Variants in MAST4 observed in about 807,000 individuals in gnomAD.
The protein encoded by MAST4 is microtubule associated serine/threonine kinase family member 4.
A neutral mutation model predicts 162.7 loss-of-function variants in MAST4; 89 were observed. The ratio of observed to expected loss-of-function variants is 0.55; its 90% CI spans 0.46 to 0.65. The LOEUF (loss-of-function observed/expected upper bound fraction) is 0.65. Ranked by LOEUF, MAST4 falls within the 30% of genes least tolerant of loss-of-function variation. MAST4 has a pLI of 0.00. For missense variants in MAST4, 3,153 were observed against 3,374.0 expected, an observed-to-expected ratio of 0.93 and a Z score of 1.62; for synonymous variants, 1,479 against 1,361.1, an observed-to-expected ratio of 1.09 and a Z score of -1.91.
intron 1 of MAST4, among the ~76,000 whole-genome samples, chr5:66,704,178 T>C (rs1749965936): frequency 6.6e-6 from 1 of 152,198 alleles, no homozygotes; most frequent in African/African-American, 2.4e-5. Context: ...CTATTTGGAG[T>C]GCTCAAATCA....
intron 14 of MAST4, among the ~76,000 whole-genome samples, chr5:67,122,771 T>C (rs1767730879): frequency 6.6e-6 from 1 of 152,126 alleles, no homozygotes; most frequent in Non-Finnish European, 1.5e-5. Context: ...AGTAAACTCA[T>C]TTGTAGTGCA....
chr5:66,733,198 A>G (rs1040542149), intron 1 of MAST4, among the ~76,000 whole-genome samples: 4 of 151,714 alleles, frequency 2.6e-5, no homozygotes, highest in Non-Finnish European at 5.9e-5. Flanking sequence ...TCACTAGACA[A>G]CCCCTTCAGT....
intron 4 of MAST4, among the ~76,000 whole-genome samples, chr5:66,927,858 CTGAGGACTA>C (rs1170283576): frequency 6.6e-6 from 1 of 152,196 alleles, no homozygotes; most frequent in Non-Finnish European, 1.5e-5. Flanking sequence ...TCGATTCCTA[CTGAGGACTA>C]TGAGGGAGAA....
At chr5:66,935,692 C>G (rs528616679) in intron 4 of MAST4, among the ~76,000 whole-genome samples, 86 of 147,750 alleles carry the variant, frequency 5.8e-4, no homozygotes, top group African/African-American at 2.0e-3. Flanking sequence ...TTTTTTGAGA[C>G]AGTCTCGCTC....
chr5:66,827,547 G>A (rs1757329375), intron 3 of MAST4, among the ~76,000 whole-genome samples: 1 of 152,166 alleles, frequency 6.6e-6, no homozygotes, highest in Non-Finnish European at 1.5e-5. Context: ...TTAGTGTGTT[G>A]ACAGACAGAA....
intron 3 of MAST4, among the ~76,000 whole-genome samples, chr5:66,856,037 G>A (rs964306917): frequency 2.6e-5 from 4 of 152,102 alleles, no homozygotes; most frequent in African/African-American, 7.2e-5. Flanking sequence ...GGTGGTGTGC[G>A]CCTGTGGTCC....
intron 5 of MAST4, among the ~76,000 whole-genome samples, chr5:67,070,012 T>C (rs1046216980): frequency 5.3e-5 from 8 of 151,658 alleles, no homozygotes; most frequent in African/African-American, 1.9e-4. Context: ...GTTCCTTAAT[T>C]GGTAAAAAGC....
chr5:66,882,142 T>C (rs1761730572), intron 3 of MAST4, among the ~76,000 whole-genome samples: 2 of 152,342 alleles, frequency 1.3e-5, no homozygotes, highest in African/African-American at 4.8e-5. Flanking sequence ...ATACTCCCTT[T>C]CCATTACCTC....
At chr5:66,626,875 C>T (rs1744465421) in intron 1 of MAST4, among the ~76,000 whole-genome samples, 1 of 152,076 alleles carries the variant, frequency 6.6e-6, no homozygotes, top group Non-Finnish European at 1.5e-5. Flanking sequence ...TTTGGGGAGT[C>T]TGCTGGTAGG....
chr5:67,049,060 C>CCT (rs1554087472), intron 4 of MAST4, among the ~76,000 whole-genome samples: 1 of 82,832 alleles, frequency 1.2e-5, no homozygotes, highest in African/African-American at 6.2e-5. Context: ...TATATATATA[C>CCT]GTATATATAT....
chr5:66,677,716 A>G (rs1229308513), intron 1 of MAST4, among the ~76,000 whole-genome samples: 1 of 152,178 alleles, frequency 6.6e-6, no homozygotes, highest in Non-Finnish European at 1.5e-5. Flanking sequence ...CCATGTCTGG[A>G]AAAGTGAGTA....
At chr5:66,972,540 G>C (rs1390107090) in intron 4 of MAST4, among the ~76,000 whole-genome samples, 2 of 152,160 alleles carry the variant, frequency 1.3e-5, no homozygotes, top group Non-Finnish European at 2.9e-5. Flanking sequence ...GTGTGCACAT[G>C]TGTAGATTTG....
chr5:67,002,275 G>A (rs1187986411), intron 4 of MAST4, among the ~76,000 whole-genome samples: 2 of 152,154 alleles, frequency 1.3e-5, no homozygotes, highest in East Asian at 3.8e-4. Context: ...CAAAAATTCA[G>A]TATTCTTTGA....
intron 1 of MAST4, among the ~76,000 whole-genome samples, chr5:66,618,909 G>A (rs1322916907): frequency 6.6e-6 from 1 of 152,042 alleles, no homozygotes; most frequent in Non-Finnish European, 1.5e-5. Flanking sequence ...CCAGGGCATC[G>A]GTGTCTTTCT....
intron 4 of MAST4, among the ~76,000 whole-genome samples, chr5:66,935,275 C>T (rs749647407): frequency 2.0e-5 from 3 of 152,070 alleles, no homozygotes; most frequent in Non-Finnish European, 2.9e-5. Flanking sequence ...TCTCAACTTG[C>T]GGTTAGTCGT....
intron 3 of MAST4, among the ~76,000 whole-genome samples, chr5:66,837,507 A>G (rs891588985): frequency 6.6e-6 from 1 of 152,082 alleles, no homozygotes; most frequent in African/African-American, 2.4e-5. Flanking sequence ...AGGTCCTTCA[A>G]GGCTCTTTTC....
Position 67,164,800 on chromosome 5 carries a change from C to T in MAST4, c.5621C>T (p.Pro1874Leu), listed in dbSNP as rs773772062. ...LKMNKSYLLE[P>L]WFLPPSRGLQ... Reference sequence around the variant, plus strand: ...ATGAATAAATCCTACCTGCTGGAGCCTTGGTTCCTGCCCCCCAGCCGAGGT... The same window carrying T: ...ATGAATAAATCCTACCTGCTGGAGCTTTGGTTCCTGCCCCCCAGCCGAGGT... Residue 1874 changes from proline to leucine, a missense_variant, in exon 29 of 29, where the codon CCT (proline) becomes CTT (leucine). By Grantham distance (98) the Pro-to-Leu change is moderately conservative (BLOSUM62 -3). Coordinates refer to ENST00000403625, the MANE Select transcript of MAST4 (RefSeq NM_001164664.2). The surrounding 1 kb of genome is among the most constrained non-coding windows in gnomAD (Gnocchi z 5.3). The T allele has an allele frequency of 6.2e-7, 1 of 1,614,010 alleles. No individual in the cohort carries two copies. The highest frequency in any genetic ancestry group is 8.5e-7 in the Non-Finnish European group (1 of 1,179,902).
At chr5:66,995,131 A>T (rs1469081948) in intron 4 of MAST4, among the ~76,000 whole-genome samples, 1 of 149,554 alleles carries the variant, frequency 6.7e-6, no homozygotes, top group Non-Finnish European at 1.5e-5. Context: ...TTTCATTTTT[A>T]TATTATAGAA....
chr5:66,611,413 T>C (rs1329111953), intron 1 of MAST4, among the ~76,000 whole-genome samples: 1 of 152,256 alleles, frequency 6.6e-6, no homozygotes, highest in East Asian at 1.9e-4. Context: ...CTGCTGGTTT[T>C]CTCTCCTCTT....
Sources: gnomAD v4.1 joint callset for allele counts (sites outside exome capture counted in the v4.1 genomes callset) on GRCh38, gnomAD v4.1.1 for gene constraint, Gnocchi (gnomAD v3.1) non-coding constraint, MANE v1.5 for transcripts, NCBI Gene and HGNC (gene_info 2026-07-23, HGNC 2026-07-21) for gene names.